The following DACH1 variants were observed in gnomAD, a reference collection of about 807,000 sequenced individuals.
DACH1 encodes dachshund homolog 1.
DACH1 carries 12 observed loss-of-function variants against 54.2 expected under a neutral mutation model. The observed-to-expected ratio is 0.22, with a 90% confidence interval of 0.14 to 0.36. The LOEUF is 0.36. Ranked by LOEUF, DACH1 falls within the 10% of genes least tolerant of loss-of-function variation. The probability of loss-of-function intolerance (pLI) is 1.00; values close to 1 mark genes in which losing one functional copy is unlikely to be tolerated. For synonymous variants in DACH1, 386 were observed against 366.2 expected, an observed-to-expected ratio of 1.05 and a Z score of -0.62; for missense variants, 805 against 929.8, an observed-to-expected ratio of 0.87 and a Z score of 1.75.
chr13:71,686,989 G>A lies in DACH1; in HGVS notation c.849-5079C>T, dbSNP rs573504371. ...TAAAATTAAATAATCTGTGGGGTAA[G>A]TGCAGCAGAAGGATACATGGCAGCA... On this transcript the variant is annotated intron_variant, in intron 1 of 10. Coordinates refer to ENST00000613252, the MANE Select transcript of DACH1 (RefSeq NM_080759.6). Among the ~76,000 whole-genome samples the A allele has an allele frequency of 5.3e-5, 8 of 152,298 alleles. No individual in the cohort carries two copies. In the South Asian group the frequency reaches 1.7e-3, roughly 32 times the overall value.
intron 1 of DACH1, among the ~76,000 whole-genome samples, chr13:71,859,635 A>G (rs2138286888): frequency 6.6e-6 from 1 of 152,004 alleles, no homozygotes; most frequent in East Asian, 1.9e-4. Flanking sequence ...GATTCTCAGA[A>G]ACCTCCTTAA....
In DACH1 at chr13:71,559,892, G is replaced by A; in HGVS notation, c.1363C>T (p.His455Tyr). The A allele has an allele frequency of 3.1e-6, 5 of 1,611,174 alleles. No individual in the cohort carries two copies. The highest frequency in any genetic ancestry group is 2.2e-5 in the East Asian group (1 of 44,504). The change falls in exon 5 of 11, where the codon CAC (histidine) becomes TAC (tyrosine). Residue 455 changes from histidine (H) to tyrosine (Y), a missense_variant. Physicochemically the swap from His to Tyr is moderately conservative, Grantham distance 83. This residue lies in a region of DACH1 where 472 missense variants were observed against 545.3 expected (regional missense o/e 0.87). Transcript: ENST00000613252. ...CTGCTGCTGCGATGTGATGATGGGT[G>A]ACTGCCAGGCCTTCTCCCCTCCTCC... ...SLEEGRRPGSHPSSHRSSSVS... is the reference protein window; with the variant it reads ...SLEEGRRPGSYPSSHRSSSVS...
intron 6 of DACH1, among the ~76,000 whole-genome samples, chr13:71,538,264 C>T (rs764804815): frequency 8.6e-5 from 13 of 151,840 alleles, no homozygotes; most frequent in Middle Eastern, 3.4e-3. Context: ...TCTTCAATTT[C>T]GTCATTTGAT....
At chr13:71,518,888 G>GA (rs36052495) in intron 6 of DACH1, among the ~76,000 whole-genome samples, 3 of 151,646 alleles carry the variant, frequency 2.0e-5, no homozygotes. Context: ...TGAAATGTTT[G>GA]AAAAAAATAA....
chr13:71,521,100 T>C (rs534078758), intron 6 of DACH1, among the ~76,000 whole-genome samples: 2 of 152,148 alleles, frequency 1.3e-5, no homozygotes, highest in African/African-American at 4.8e-5. Flanking sequence ...ACCTGACTGC[T>C]ATCTATTAGC....
At chr13:71,553,584 G>C (rs1411533795) in intron 6 of DACH1, among the ~76,000 whole-genome samples, 2 of 142,982 alleles carry the variant, frequency 1.4e-5, no homozygotes, top group East Asian at 4.1e-4. Context: ...TTTGCATTTT[G>C]TATTTTTATA....
At chr13:71,588,838 A>G (rs1393595982) in intron 3 of DACH1, among the ~76,000 whole-genome samples, 3 of 151,968 alleles carry the variant, frequency 2.0e-5, no homozygotes, top group African/African-American at 7.2e-5. Context: ...TTTTTTCTAT[A>G]GTTATCTGCC....
At chr13:71,463,423 T>C (rs1045598731) in intron 10 of DACH1, among the ~76,000 whole-genome samples, 1 of 151,986 alleles carries the variant, frequency 6.6e-6, no homozygotes, top group Non-Finnish European at 1.5e-5. Context: ...AGAAAGACTA[T>C]ATATTTGCAT....
intron 2 of DACH1, among the ~76,000 whole-genome samples, chr13:71,639,221 T>G (rs1877716977): frequency 6.6e-6 from 1 of 152,162 alleles, no homozygotes; most frequent in Non-Finnish European, 1.5e-5. Flanking sequence ...CTAAATAAAT[T>G]AAAATTGTGA....
intron 1 of DACH1, among the ~76,000 whole-genome samples, chr13:71,717,875 C>T (rs141951809): frequency 6.6e-6 from 1 of 151,244 alleles, no homozygotes; most frequent in African/African-American, 2.4e-5. Flanking sequence ...AATTAGTAGT[C>T]CAAAAAAACT....
intron 6 of DACH1, among the ~76,000 whole-genome samples, chr13:71,526,710 A>G (rs933351663): frequency 2.0e-4 from 29 of 147,856 alleles, no homozygotes; most frequent in Non-Finnish European, 3.3e-4. Flanking sequence ...GTGTGTGTAT[A>G]TATATATATA....
At chr13:71,447,999 C>T (rs1874624335) in intron 10 of DACH1, among the ~76,000 whole-genome samples, 1 of 152,124 alleles carries the variant, frequency 6.6e-6, no homozygotes, top group Admixed American at 6.5e-5. Context: ...ATTTCTATTC[C>T]AGTTTTGGGA....
At chr13:71,609,541 CTT>C (rs72225531) in intron 3 of DACH1, among the ~76,000 whole-genome samples, 6 of 147,964 alleles carry the variant, frequency 4.1e-5, no homozygotes, top group African/African-American at 1.5e-4. Flanking sequence ...TAGAAGTTGA[CTT>C]TTTTTTTTTC....
chr13:71,604,021 C>T (rs1305412507), intron 3 of DACH1, among the ~76,000 whole-genome samples: 1 of 151,736 alleles, frequency 6.6e-6, no homozygotes, highest in East Asian at 1.9e-4. Context: ...GCCATTATGT[C>T]ACATTGTGGG....
At chr13:71,723,899 C>T (rs1883353557) in intron 1 of DACH1, among the ~76,000 whole-genome samples, 1 of 152,078 alleles carries the variant, frequency 6.6e-6, no homozygotes, top group South Asian at 2.1e-4. Flanking sequence ...CCATGTTGCT[C>T]AGGTTGGTCT....
chr13:71,542,629 T>C (rs534898892), intron 6 of DACH1, among the ~76,000 whole-genome samples: 1 of 152,254 alleles, frequency 6.6e-6, no homozygotes, highest in Admixed American at 6.5e-5. Context: ...GTCTGTTTAA[T>C]CTTAAACCAC....
At chr13:71,832,870 T>C (rs1245317022) in intron 1 of DACH1, among the ~76,000 whole-genome samples, 1 of 151,996 alleles carries the variant, frequency 6.6e-6, no homozygotes, top group African/African-American at 2.4e-5. Context: ...TATATATAGA[T>C]AACTCCTACT....
intron 10 of DACH1, among the ~76,000 whole-genome samples, chr13:71,453,395 C>T (rs530772378): frequency 6.6e-6 from 1 of 152,128 alleles, no homozygotes; most frequent in South Asian, 2.1e-4. Flanking sequence ...AGAAGGAAAA[C>T]AGGGATATTT....
At chr13:71,832,594 T>A (rs1888634320) in intron 1 of DACH1, among the ~76,000 whole-genome samples, 2 of 152,060 alleles carry the variant, frequency 1.3e-5, no homozygotes, top group African/African-American at 4.8e-5. Context: ...AAATTATACT[T>A]AAAAATCAAG....
Sources: allele counts gnomAD v4.1 joint callset (sites outside exome capture counted in the v4.1 genomes callset), GRCh38; gene constraint gnomAD v4.1.1; regional missense constraint gnomAD v4.1.1; transcripts MANE v1.5; gene names NCBI Gene and HGNC (gene_info 2026-07-23, HGNC 2026-07-21).